Variants in CTNNA3 observed in about 807,000 individuals in gnomAD.
CTNNA3 encodes the protein catenin alpha-3.
CTNNA3 carries 76 observed loss-of-function variants against 95.7 expected under a neutral mutation model. That is an observed-to-expected ratio of 0.79 (90% CI 0.66 to 0.96). The LOEUF is 0.96. Ranked by LOEUF, CTNNA3 falls within the 40% of genes least tolerant of loss-of-function variation. CTNNA3 has a pLI of 0.00. For synonymous variants in CTNNA3, 431 were observed against 374.4 expected (o/e 1.15, Z -1.74); for missense variants, 1,191 against 1,089.8 (o/e 1.09, Z -1.31).
At chr10:67,157,491 G>T (rs1051674993) in intron 7 of CTNNA3, among the ~76,000 whole-genome samples, 1 of 152,046 alleles carries the variant, frequency 6.6e-6, no homozygotes, top group Non-Finnish European at 1.5e-5. Context: ...ACCCAAGGTA[G>T]AAAAAAGGAG....
rs1214132997 is a variant in CTNNA3, at chr10:66,424,028, T to C, written c.1532-44676A>G. 1.3e-5 allele frequency among the ~76,000 whole-genome samples: 2 copies of C among 152,172 alleles called. 1 individual carries two copies. The highest frequency in any genetic ancestry group is 3.9e-4 in the East Asian group (2 of 5,190). ...TACTTTACTTGTCTATTTTATTAAGTATATTTATTTAAGAATATTTTATTT... is the reference window on the plus strand; with the variant it reads ...TACTTTACTTGTCTATTTTATTAAGCATATTTATTTAAGAATATTTTATTT... On this transcript the variant is annotated intron_variant, in intron 11 of 17. Coordinates refer to ENST00000433211, the MANE Select transcript of CTNNA3 (RefSeq NM_013266.4).
chr10:66,702,984 G>A (rs574064821), intron 9 of CTNNA3, among the ~76,000 whole-genome samples: 1 of 151,966 alleles, frequency 6.6e-6, no homozygotes, highest in South Asian at 2.1e-4. Context: ...TTTCCCCATT[G>A]GTCAATGAAG....
At chr10:66,871,680 A>C (rs1047152907) in intron 7 of CTNNA3, among the ~76,000 whole-genome samples, 1 of 152,168 alleles carries the variant, frequency 6.6e-6, no homozygotes, top group Non-Finnish European at 1.5e-5. Context: ...TACAAAATGA[A>C]GTGCTGTTGA....
At chr10:67,204,934 C>T (rs1863823074) in intron 6 of CTNNA3, among the ~76,000 whole-genome samples, 1 of 152,080 alleles carries the variant, frequency 6.6e-6, no homozygotes, top group Non-Finnish European at 1.5e-5. Context: ...TCTCAAAAGG[C>T]CAATCTTAGG....
chr10:67,762,864 G>GA (rs1564848382), intron 1 of CTNNA3, among the ~76,000 whole-genome samples: 1 of 151,978 alleles, frequency 6.6e-6, no homozygotes, highest in African/African-American at 2.4e-5. Context: ...TCTAATTACC[G>GA]GTGCATGCAG....
At position 67,409,682 on chromosome 10, in the gene CTNNA3, T is replaced by C. The variant is rs534938265; in HGVS notation, c.579+112160A>G. 2.0e-5 allele frequency among the ~76,000 whole-genome samples: 3 copies of C among 152,252 alleles called. No individual in the cohort carries two copies. In the South Asian group the frequency reaches 6.2e-4, roughly 32 times the overall value. The stretch of plus-strand genomic sequence containing the variant: ...GTGTTGGGTTGATTGTGCAGCAAAC[T>C]ATCAAGGCAAATGTTTACCTATGTA... On this transcript the variant is annotated intron_variant, in intron 5 of 17. Coordinates refer to ENST00000433211, the MANE Select transcript of CTNNA3 (RefSeq NM_013266.4).
At chr10:67,143,290 C>T (rs1475852484) in intron 7 of CTNNA3, among the ~76,000 whole-genome samples, 1 of 151,680 alleles carries the variant, frequency 6.6e-6, no homozygotes, top group Non-Finnish European at 1.5e-5. Context: ...AGCGTGGTGG[C>T]GGGCGACTGT....
intron 6 of CTNNA3, among the ~76,000 whole-genome samples, chr10:67,184,146 T>C (rs1010125376): frequency 6.6e-6 from 1 of 152,204 alleles, no homozygotes; most frequent in African/African-American, 2.4e-5. Flanking sequence ...TGGCCAACTT[T>C]CTTAAAACAC....
chr10:66,889,059 C>T (rs1463522976), intron 7 of CTNNA3, among the ~76,000 whole-genome samples: 1 of 152,094 alleles, frequency 6.6e-6, no homozygotes, highest in Non-Finnish European at 1.5e-5. Flanking sequence ...AGCTATCCAG[C>T]CATGAAAAGA....
chr10:66,287,368 C>T (rs1052473476), intron 12 of CTNNA3, among the ~76,000 whole-genome samples: 5 of 152,124 alleles, frequency 3.3e-5, no homozygotes, highest in Non-Finnish European at 7.4e-5. Context: ...TCAGCCACTT[C>T]TAAAATCCTG....
intron 5 of CTNNA3, among the ~76,000 whole-genome samples, chr10:67,519,204 C>G (rs1839909594): frequency 6.6e-6 from 1 of 152,036 alleles, no homozygotes; most frequent in Admixed American, 6.6e-5. Flanking sequence ...GAGCAAAGAA[C>G]TCCAGTAGTC....
At chr10:66,251,202 TA>T (rs1228102027) in intron 13 of CTNNA3, among the ~76,000 whole-genome samples, 2 of 152,192 alleles carry the variant, frequency 1.3e-5, no homozygotes, top group Non-Finnish European at 2.9e-5. Context: ...TGGCCTGCCC[TA>T]AAACATTCAT....
At chr10:66,907,137 T>C (rs1222113485) in intron 7 of CTNNA3, among the ~76,000 whole-genome samples, 2 of 152,206 alleles carry the variant, frequency 1.3e-5, no homozygotes, top group African/African-American at 2.4e-5. Context: ...TGTCCCTCAA[T>C]AACATTTCTC....
chr10:65,983,349 C>T (rs897501186), intron 16 of CTNNA3, among the ~76,000 whole-genome samples: 1 of 151,556 alleles, frequency 6.6e-6, no homozygotes, highest in East Asian at 1.9e-4. Context: ...CTATTGTCTC[C>T]TTCCTATCTA....
At chr10:67,096,772 T>A (rs1253492214) in intron 7 of CTNNA3, among the ~76,000 whole-genome samples, 1 of 151,814 alleles carries the variant, frequency 6.6e-6, no homozygotes, top group Non-Finnish European at 1.5e-5. Flanking sequence ...GGCAAGGGAG[T>A]CCCTTCCTCA....
In CTNNA3 at chr10:67,178,465, C is replaced by A. The variant is rs531871511; in HGVS notation, c.1047+1852G>T. Among the ~76,000 whole-genome samples, 7 of 152,040 alleles carry A rather than the reference C, an allele frequency of 4.6e-5. No individual in the cohort carries two copies. In the East Asian group the frequency reaches 7.7e-4, roughly 17 times the overall value. On this transcript the variant is annotated intron_variant, in intron 7 of 17. Coordinates refer to ENST00000433211, the MANE Select transcript of CTNNA3 (RefSeq NM_013266.4). ...AACATTAAATAGCAAACAAAAATAACCTTTCATAGGTCACGAGAGACTGTG... is the reference window on the plus strand; with the variant it reads ...AACATTAAATAGCAAACAAAAATAAACTTTCATAGGTCACGAGAGACTGTG...
chr10:66,879,852 A>G (rs1844776375), intron 7 of CTNNA3, among the ~76,000 whole-genome samples: 1 of 152,060 alleles, frequency 6.6e-6, no homozygotes, highest in Non-Finnish European at 1.5e-5. Flanking sequence ...TTGAGTGTTC[A>G]TGTTGGAGAT....
chr10:67,517,798 C>T (rs1028472038), intron 5 of CTNNA3, among the ~76,000 whole-genome samples: 8 of 152,238 alleles, frequency 5.3e-5, no homozygotes, highest in African/African-American at 1.9e-4. Flanking sequence ...TTACATAGAT[C>T]ACCAACTGCT....
intron 11 of CTNNA3, among the ~76,000 whole-genome samples, chr10:66,489,660 T>C (rs1424269681): frequency 6.6e-6 from 1 of 152,136 alleles, no homozygotes; most frequent in East Asian, 1.9e-4. Context: ...GCCTTCCCTC[T>C]CCTTTACTCT....
Sources: allele counts gnomAD v4.1 joint callset (sites outside exome capture counted in the v4.1 genomes callset), GRCh38; gene constraint gnomAD v4.1.1; transcripts MANE v1.5; gene names NCBI Gene and HGNC (gene_info 2026-07-23, HGNC 2026-07-21).